The following DHRS7B variants were observed in gnomAD, a reference collection of about 807,000 sequenced individuals.
The protein encoded by DHRS7B is peroxisomal reductase activating PPAR-gamma.
Under a neutral mutation model 26.4 loss-of-function variants are expected in DHRS7B, and 24 were observed. That is an observed-to-expected ratio of 0.91 (90% confidence interval 0.66 to 1.28). The LOEUF is 1.28. Among genes scored for constraint, DHRS7B ranks in the 50% most tolerant of loss-of-function variants. The probability of loss-of-function intolerance (pLI) is 0.00; values close to 1 mark genes in which losing one functional copy is unlikely to be tolerated. For synonymous variants in DHRS7B, 142 were observed against 166.4 expected, an observed-to-expected ratio of 0.85 and a Z score of 1.13; for missense variants, 368 against 419.4, an observed-to-expected ratio of 0.88 and a Z score of 1.07.
At chr17:21,166,540 CAAA>C (rs56142443) in intron 1 of DHRS7B, 2,342 of 634,462 alleles carry the variant, frequency 3.7e-3, no homozygotes, top group Middle Eastern at 5.4e-3. Flanking sequence ...CATTTGAGAC[CAAA>C]AAAAAAAAAA....
chr17:21,163,420 T>C (rs1414028195), intron 1 of DHRS7B, among the ~76,000 whole-genome samples: 2 of 152,166 alleles, frequency 1.3e-5, no homozygotes, highest in Non-Finnish European at 2.9e-5. Flanking sequence ...AAACTGCTTT[T>C]GTTGTGTTTC....
At chr17:21,132,012 G>A (rs1357432548) in intron 1 of DHRS7B, among the ~76,000 whole-genome samples, 1 of 152,168 alleles carries the variant, frequency 6.6e-6, no homozygotes, top group Non-Finnish European at 1.5e-5. Context: ...TTCAATTGTT[G>A]CTTAGAAGCC....
intron 1 of DHRS7B, among the ~76,000 whole-genome samples, chr17:21,131,590 C>T (rs964322875): frequency 1.3e-5 from 2 of 152,198 alleles, no homozygotes; most frequent in African/African-American, 4.8e-5. Context: ...TATGTGACCT[C>T]CTATCTCATC....
chr17:21,191,122 C>A lies in DHRS7B; in HGVS notation c.947C>A (p.Ala316Asp). 1.2e-6 allele frequency: 2 copies of A among 1,613,890 alleles called. No individual in the cohort carries two copies. The highest frequency in any genetic ancestry group is 1.7e-6 in the Non-Finnish European group (2 of 1,180,020). ...TTCTTCAGCCTCATGGCCTCCAGGG[C>A]CAGAAAAGAGCGGAAATCCAAGAAC... is the stretch of plus-strand genomic sequence containing the variant. Reference protein sequence around the residue: ...GLFFSLMASRARKERKSKNS With the variant: ...GLFFSLMASRDRKERKSKNS The change falls in exon 7 of 7, where the codon GCC (alanine) becomes GAC (aspartate). Residue 316 changes from alanine (A) to aspartate (D), a missense_variant. Coordinates refer to ENST00000395511, the MANE Select transcript of DHRS7B (RefSeq NM_015510.5).
At chr17:21,178,828 T>C (rs1974449459) in intron 3 of DHRS7B, among the ~76,000 whole-genome samples, 1 of 152,050 alleles carries the variant, frequency 6.6e-6, no homozygotes, top group African/African-American at 2.4e-5. Flanking sequence ...TCAGCTGATT[T>C]TTGTATTTTT....
intron 1 of DHRS7B, among the ~76,000 whole-genome samples, chr17:21,158,704 T>C (rs1344242726): frequency 6.6e-6 from 1 of 152,186 alleles, no homozygotes; most frequent in Non-Finnish European, 1.5e-5. Flanking sequence ...TTATAAAGTT[T>C]ATGTGGAAAG....
chr17:21,146,940 T>G (rs1400729269), intron 1 of DHRS7B, among the ~76,000 whole-genome samples: 2 of 152,206 alleles, frequency 1.3e-5, no homozygotes, highest in African/African-American at 4.8e-5. Flanking sequence ...CCCCAAACAT[T>G]TTTTATTTAA....
At chr17:21,172,292 G>A (rs761611154) in intron 2 of DHRS7B, 96 bp downstream of exon 2, 8 of 1,452,338 alleles carry the variant, frequency 5.5e-6, no homozygotes, top group African/African-American at 1.4e-5. Context: ...GCAAATGCCC[G>A]AAGCGGCAGC....
chr17:21,191,288 G>A lies in DHRS7B; in HGVS notation c.*135G>A, dbSNP rs1266901647. The A allele has an allele frequency of 5.0e-5, 44 of 887,198 alleles. No homozygotes were observed. The South Asian group carries it at 6.3e-4, about 13-fold the overall frequency. The allele number at this position is 887,198 out of a possible 1,614,324, so 55.0% of individuals were successfully genotyped here. A position where few individuals can be genotyped will look rare whatever the true frequency, so the allele number is the denominator to read the frequency against. ...GGGAAAGACTGAAGAAACACATCTC[G>A]TGCAGATCTGCTGGCAGAGGACAAT... On this transcript the variant is annotated 3_prime_UTR_variant, in exon 7 of 7. Coordinates refer to ENST00000395511, the MANE Select transcript of DHRS7B (RefSeq NM_015510.5).
intron 1 of DHRS7B, among the ~76,000 whole-genome samples, chr17:21,140,477 A>AAC (rs1486289182): frequency 3.9e-5 from 2 of 50,734 alleles, no homozygotes; most frequent in South Asian, 5.8e-4. Flanking sequence ...AGGCCTTTTA[A>AAC]ATACACACAC....
chr17:21,161,709 C>T (rs752187407), intron 1 of DHRS7B, among the ~76,000 whole-genome samples: 9 of 152,052 alleles, frequency 5.9e-5, no homozygotes, highest in Non-Finnish European at 1.0e-4. Flanking sequence ...TATGACTGTC[C>T]GAAAGAGACA....
chr17:21,166,572 T>G, intron 1 of DHRS7B: 1 of 642,860 alleles, frequency 1.6e-6, no homozygotes, highest in South Asian at 6.9e-5. Flanking sequence ...GACCCTGCCT[T>G]TACTTTCTGA....
At position 21,173,056 on chromosome 17, in the gene DHRS7B, T is replaced by A. The variant is rs554746855; in HGVS notation, c.199+860T>A. On this transcript the variant is annotated intron_variant, in intron 2 of 6. Transcript: ENST00000395511. ...ACCCGCTGCTACATCTTCTGGTTGG[T>A]GATAGCTCAGCTGGAGCTGATGGAG... 2.6e-5 allele frequency among the ~76,000 whole-genome samples: 4 copies of A among 152,312 alleles called. No homozygotes were observed. The East Asian group carries it at 7.7e-4, about 29-fold the overall frequency.
chr17:21,136,550 TTTGTTTG>T (rs1973347221), intron 1 of DHRS7B, among the ~76,000 whole-genome samples: 1 of 64,216 alleles, frequency 1.6e-5, no homozygotes, highest in Admixed American at 1.7e-4. Context: ...GGTTTTTTTG[TTTGTTTG>T]TTTGTTTGTT....
At position 21,191,348 on chromosome 17, in the gene DHRS7B, G is replaced by T; in HGVS notation, c.*195G>T. The T allele has an allele frequency of 1.6e-6, 1 of 606,074 alleles. No homozygotes were observed. Among genetic ancestry groups the T allele is most frequent in the Middle Eastern group, 4.5e-4 (1 of 2,244 alleles). 37.5% of individuals were successfully genotyped at this position (606,074 alleles called of 1,614,324 possible). A position where few individuals can be genotyped will look rare whatever the true frequency, so the allele number is the denominator to read the frequency against. ...CAACAAGCTTCTTCCCAGGGTGAGG[G>T]GAAACACTTAAGGAATAAATATGGA... On this transcript the variant is annotated 3_prime_UTR_variant, in exon 7 of 7. Transcript: ENST00000395511.
At chr17:21,129,414 AC>A (rs1417941101) in intron 1 of DHRS7B, among the ~76,000 whole-genome samples, 1 of 151,876 alleles carries the variant, frequency 6.6e-6, no homozygotes, top group African/African-American at 2.4e-5. Context: ...TTACTTAAAG[AC>A]CCCTGTGAGG....
chr17:21,144,102 G>A (rs928117998), intron 1 of DHRS7B, among the ~76,000 whole-genome samples: 2 of 152,218 alleles, frequency 1.3e-5, no homozygotes, highest in Non-Finnish European at 2.9e-5. Context: ...ATCAGGTTGA[G>A]AAACACTCAC....
At position 21,191,346 on chromosome 17, in the gene DHRS7B, G is replaced by A; in HGVS notation, c.*193G>A. 1 of 609,788 alleles carries A rather than the reference G, an allele frequency of 1.6e-6. No homozygotes were observed. 37.8% of individuals were successfully genotyped at this position (609,788 alleles called of 1,614,324 possible). ...GACAACAAGCTTCTTCCCAGGGTGA[G>A]GGGAAACACTTAAGGAATAAATATG... On this transcript the variant is annotated 3_prime_UTR_variant, in exon 7 of 7. Transcript: ENST00000395511.
At chr17:21,152,267 G>C (rs928034396) in intron 1 of DHRS7B, among the ~76,000 whole-genome samples, 1 of 151,208 alleles carries the variant, frequency 6.6e-6, no homozygotes, top group Non-Finnish European at 1.5e-5. Context: ...TGATCCTCCT[G>C]CCTCAGCCTC....
Sources: allele counts gnomAD v4.1 joint callset (sites outside exome capture counted in the v4.1 genomes callset), GRCh38; gene constraint gnomAD v4.1.1; transcripts MANE v1.5; gene names NCBI Gene and HGNC (gene_info 2026-07-23, HGNC 2026-07-21).